Variants in NPTN observed in about 807,000 individuals in gnomAD.
NPTN encodes the protein SDR-1.
In NPTN, 5 loss-of-function variants were observed where a neutral mutation model predicts 42.7. The observed-to-expected ratio is 0.12, with a 90% CI of 0.06 to 0.25. NPTN has a LOEUF of 0.25. Ranked by LOEUF, NPTN falls within the 10% of genes least tolerant of loss-of-function variation. The pLI is 1.00. For synonymous variants in NPTN, 180 were observed against 201.9 expected (o/e 0.89, Z 0.92); for missense variants, 307 against 525.4 (o/e 0.58, Z 4.06).
Position 73,585,502 on chromosome 15 carries a change from C to G in NPTN, c.706+2022G>C, listed in dbSNP as rs138996120. 3.3e-5 allele frequency among the ~76,000 whole-genome samples: 5 copies of G among 152,192 alleles called. No individual in the cohort carries two copies. The East Asian group carries it at 7.7e-4, about 23-fold the overall frequency. On this transcript the variant is annotated intron_variant, in intron 4 of 8. Coordinates refer to ENST00000345330, the MANE Select transcript of NPTN (RefSeq NM_012428.4). ...ATATGATCCTGGGCCTATGGCAAAC[C>G]TTTTAAAACTTATACAGAAAAAGCG...
At chr15:73,632,856 G>C (rs1443023026) in intron 1 of NPTN, 2 of 362,440 alleles carry the variant, frequency 5.5e-6, no homozygotes, top group Non-Finnish European at 9.9e-6. Flanking sequence ...CGCCGACCCG[G>C]CACGACGAGC....
chr15:73,582,462 C>A (rs1176285052), intron 4 of NPTN, among the ~76,000 whole-genome samples: 2 of 152,176 alleles, frequency 1.3e-5, no homozygotes, highest in African/African-American at 4.8e-5. Context: ...ATTCTCCACC[C>A]ACAGCAGATT....
At chr15:73,598,943 T>C (rs1249805673) in intron 1 of NPTN, among the ~76,000 whole-genome samples, 2 of 152,172 alleles carry the variant, frequency 1.3e-5, no homozygotes, top group Non-Finnish European at 2.9e-5. Context: ...GTACTATACT[T>C]ACTCAAGTAG....
chr15:73,607,916 G>C (rs916739777), intron 1 of NPTN, among the ~76,000 whole-genome samples: 9 of 152,070 alleles, frequency 5.9e-5, no homozygotes, highest in African/African-American at 1.9e-4. Context: ...ACAATATCTT[G>C]GAGAATCTGA....
At chr15:73,591,009 A>T (rs1484389053) in intron 3 of NPTN, among the ~76,000 whole-genome samples, 2 of 152,210 alleles carry the variant, frequency 1.3e-5, no homozygotes, top group Non-Finnish European at 2.9e-5. Context: ...AAAAAATTCT[A>T]GAAAATCAGA....
chr15:73,609,184 T>G (rs1011358610), intron 1 of NPTN, among the ~76,000 whole-genome samples: 12 of 152,312 alleles, frequency 7.9e-5, no homozygotes, highest in South Asian at 2.1e-4. Context: ...GACAACACTT[T>G]TAATAATGTC....
At chr15:73,579,104 C>A (rs1247741996) in intron 4 of NPTN, among the ~76,000 whole-genome samples, 1 of 151,012 alleles carries the variant, frequency 6.6e-6, no homozygotes, top group Non-Finnish European at 1.5e-5. Flanking sequence ...CACGGTGAAA[C>A]CCCGTCTCTA....
Position 73,628,817 on chromosome 15 carries a change from T to A in NPTN, c.91+4308A>T, listed in dbSNP as rs192776213. Among the ~76,000 whole-genome samples the A allele has an allele frequency of 1.2e-3, 186 of 152,258 alleles. 1 individual carries two copies. Among genetic ancestry groups the A allele is most frequent in the Non-Finnish European group, 2.3e-3 (155 of 68,020 alleles). ...TAAAATAAAGATAATATAATGTTGC[T>A]TTTTATTAATGTCTAAAGGCATATT... On this transcript the variant is annotated intron_variant, in intron 1 of 8. Coordinates refer to ENST00000345330, the MANE Select transcript of NPTN (RefSeq NM_012428.4).
At chr15:73,585,068 C>A (rs975079478) in intron 4 of NPTN, among the ~76,000 whole-genome samples, 2 of 152,118 alleles carry the variant, frequency 1.3e-5, no homozygotes, top group African/African-American at 4.8e-5. Context: ...CAAACAACAC[C>A]CCAGAAATGT....
chr15:73,615,649 T>A (rs771426437), intron 1 of NPTN, among the ~76,000 whole-genome samples: 3 of 152,218 alleles, frequency 2.0e-5, no homozygotes, highest in African/African-American at 7.2e-5. Flanking sequence ...CAGGCCTTTA[T>A]CACTACACTT....
At chr15:73,612,727 C>A (rs1369321597) in intron 1 of NPTN, among the ~76,000 whole-genome samples, 2 of 152,112 alleles carry the variant, frequency 1.3e-5, no homozygotes, top group Non-Finnish European at 2.9e-5. Flanking sequence ...CAGAGATGCG[C>A]CACTGCACTC....
At chr15:73,616,534 G>A (rs144102453) in intron 1 of NPTN, among the ~76,000 whole-genome samples, 2,141 of 152,260 alleles carry the variant, frequency 0.014, 27 homozygotes, top group East Asian at 0.054. Context: ...GTTCACTAAT[G>A]CTCTATCCAC....
chr15:73,568,919 T>C (rs1895204454), intron 6 of NPTN: 1 of 985,480 alleles, frequency 1.0e-6, no homozygotes, highest in South Asian at 4.7e-5. Context: ...CTCAAACATG[T>C]CCTCCCAGAG....
chr15:73,594,629 C>G (rs1450842266), intron 2 of NPTN, among the ~76,000 whole-genome samples: 3 of 152,104 alleles, frequency 2.0e-5, no homozygotes, highest in Admixed American at 6.6e-5. Flanking sequence ...ATTTTTGTGG[C>G]CAAGCGCTGC....
intron 1 of NPTN, among the ~76,000 whole-genome samples, chr15:73,613,724 C>T (rs925490897): frequency 3.9e-5 from 6 of 151,960 alleles, no homozygotes; most frequent in African/African-American, 2.4e-5. Flanking sequence ...CTCGCTCTGT[C>T]GCCCAGGATG....
chr15:73,610,181 G>A (rs1897507366), intron 1 of NPTN, among the ~76,000 whole-genome samples: 1 of 151,918 alleles, frequency 6.6e-6, no homozygotes, highest in Admixed American at 6.6e-5. Context: ...CGAACTCCTT[G>A]GTTCAAGCAA....
intron 6 of NPTN, among the ~76,000 whole-genome samples, chr15:73,565,196 C>T (rs1894914139): frequency 1.3e-5 from 2 of 152,174 alleles, no homozygotes; most frequent in Admixed American, 6.5e-5. Context: ...GAGCCCTCTT[C>T]ATCTGTCTCC....
rs1346845496 is a variant in NPTN at position 73,633,195 on chromosome 15, G to A, written c.21C>T (p.Pro7=). The A allele has an allele frequency of 6.5e-7, 1 of 1,531,092 alleles. No homozygotes were observed. 94.8% of individuals were successfully genotyped at this position (1,531,092 alleles called of 1,614,324 possible). A position where few individuals can be genotyped will look rare whatever the true frequency, so the allele number is the denominator to read the frequency against. The change falls in exon 1 of 9, where the codon CCC becomes CCT. Residue 7 remains proline, a synonymous_variant. Coordinates refer to ENST00000345330, the MANE Select transcript of NPTN (RefSeq NM_012428.4). MSGSSL[P]SALALSLLLV... ...GCAACAGCGAGAGGGCCAGGGCGCTGGGCAGCGACGAACCCGACATCCTCC... is the reference window on the plus strand; with the variant it reads ...GCAACAGCGAGAGGGCCAGGGCGCTAGGCAGCGACGAACCCGACATCCTCC...
At chr15:73,616,347 T>C (rs1209638001) in intron 1 of NPTN, among the ~76,000 whole-genome samples, 3 of 152,150 alleles carry the variant, frequency 2.0e-5, no homozygotes, top group Non-Finnish European at 4.4e-5. Context: ...GGACTCCCTC[T>C]ACCCCTCAAA....
Sources: allele counts gnomAD v4.1 joint callset (sites outside exome capture counted in the v4.1 genomes callset), GRCh38; gene constraint gnomAD v4.1.1; transcripts MANE v1.5; gene names NCBI Gene and HGNC (gene_info 2026-07-23, HGNC 2026-07-21).